NDOR1: variants seen among roughly 807,000 people sequenced by gnomAD.
NDOR1 encodes the protein NADPH-dependent diflavin oxidoreductase 1.
Under a neutral mutation model 67.2 loss-of-function variants are expected in NDOR1, and 61 were observed. That is an observed-to-expected ratio of 0.91 (90% CI 0.74 to 1.12). NDOR1 has a LOEUF of 1.12. Among genes scored for constraint, NDOR1 ranks in the 50% most tolerant of loss-of-function variants. The pLI, the probability that NDOR1 is intolerant of heterozygous loss-of-function variation, is 0.00. For missense variants in NDOR1, 878 were observed against 802.8 expected (o/e 1.09, Z -1.13); for synonymous variants, 378 against 343.7 (o/e 1.10, Z -1.10).
At position 137,214,115 on chromosome 9, in the gene NDOR1, G is replaced by C. The variant is rs780259507; in HGVS notation, c.512+47G>C. 3.3e-6 allele frequency: 5 copies of C among 1,529,428 alleles called. No homozygotes were observed. The South Asian group carries it at 6.0e-5, about 18-fold the overall frequency. The allele number at this position is 1,529,428 out of a possible 1,614,324, so 94.7% of individuals were successfully genotyped here. The stretch of plus-strand genomic sequence containing the variant: ...CCCACAGGCGCAGCAGACCCAACCT[G>C]GCCTGGGGACCTCGCCCTGGGTCCC... On this transcript the variant is annotated intron_variant, in intron 5 of 13. Coordinates refer to ENST00000684003, the MANE Select transcript of NDOR1 (RefSeq NM_014434.4).
chr9:137,215,475 C>A lies in NDOR1; in HGVS notation c.1242C>A (p.Arg414=), dbSNP rs750312382. ...VQFQTRLKEP[R]RGLCSSWLAS... The stretch of plus-strand genomic sequence containing the variant: ...TCCAGACTCGCCTCAAGGAGCCCCG[C>A]CGGGGCCTCTGCTCCTCCTGGCTGG... The change falls in exon 10 of 14, where the codon CGC becomes CGA. Residue 414 remains arginine (R), a synonymous_variant. Coordinates refer to ENST00000684003, the MANE Select transcript of NDOR1 (RefSeq NM_014434.4). 5 of 1,613,494 alleles carry A rather than the reference C, an allele frequency of 3.1e-6. No homozygotes were observed. Among genetic ancestry groups the A allele is most frequent in the Non-Finnish European group, 4.2e-6 (5 of 1,180,010 alleles).
In NDOR1 at chr9:137,216,930, G is replaced by C. The variant is rs549548792; in HGVS notation, c.*514G>C. ...ATGCCAGCTCCTTGAGAGCAGTGGG[G>C]GTGTCCCAGGCCAGAGCAGCCTCTT... On this transcript the variant is annotated 3_prime_UTR_variant, in exon 14 of 14. Coordinates refer to ENST00000684003, the MANE Select transcript of NDOR1 (RefSeq NM_014434.4). 3.7e-5 allele frequency: 7 copies of C among 188,410 alleles called. No homozygotes were observed. Among genetic ancestry groups the C allele is most frequent in the South Asian group, 3.5e-4 (4 of 11,468 alleles). The allele number at this position is 188,410 out of a possible 1,614,324, so 11.7% of individuals were successfully genotyped here. A position where few individuals can be genotyped will look rare whatever the true frequency, so the allele number is the denominator to read the frequency against.
Position 137,217,941 on chromosome 9 carries a change from GGCACCCCCAAGGTGCTGAGACTACA to G in NDOR1, c.*1528_*1552del. 2.5e-6 allele frequency: 1 copy of G among 398,640 alleles called. No individual in the cohort carries two copies. The highest frequency in any genetic ancestry group is 3.6e-5 in the East Asian group (1 of 28,074). 24.7% of individuals were successfully genotyped at this position (398,640 alleles called of 1,614,324 possible). A position where few individuals can be genotyped will look rare whatever the true frequency, so the allele number is the denominator to read the frequency against. On this transcript the variant is annotated 3_prime_UTR_variant, in exon 14 of 14. Coordinates refer to ENST00000684003, the MANE Select transcript of NDOR1 (RefSeq NM_014434.4). The stretch of plus-strand genomic sequence containing the variant: ...CCAGCAAGCAAAGGGGATGACCTTG[GGCACCCCCAAGGTGCTGAGACTACA>G]GCCAGTGAGCCCCTGCTGGGGGCCA...
At position 137,214,576 on chromosome 9, in the gene NDOR1, T is replaced by C. The variant is rs373933917; in HGVS notation, c.729T>C (p.Ala243=). Residue 243 remains alanine, a synonymous_variant, in exon 7 of 14, where the codon GCT becomes GCC. Transcript: ENST00000684003. ...GGTGGCTTCTTCCACACAGCTTTGC[T>C]GCTGGTGATGTGGTGCTGATTCAGC... is the stretch of plus-strand genomic sequence containing the variant. ...FDILGSGISF[A]AGDVVLIQPS... is the part of the protein sequence containing the mutation. 2.9e-5 allele frequency: 47 copies of C among 1,611,614 alleles called. No homozygotes were observed. In the African/African-American group the frequency reaches 5.9e-4, roughly 20 times the overall value.
chr9:137,206,312 A>G lies in NDOR1; in HGVS notation c.213+3A>G, dbSNP rs1834963074. 1 of 1,613,908 alleles carries G rather than the reference A, an allele frequency of 6.2e-7. No individual in the cohort carries two copies. Among genetic ancestry groups the G allele is most frequent in the East Asian group, 2.2e-5 (1 of 44,882 alleles). ...GAGACCCCCCTGACAACATGAAGGT[A>G]AGGCTGGCCTGATGTGGCTCCTCAG... On this transcript the variant is annotated splice_donor_region_variant and intron_variant, in intron 2 of 13. Coordinates refer to ENST00000684003, the MANE Select transcript of NDOR1 (RefSeq NM_014434.4).
At chr9:137,215,629 C>A (rs756630678) in intron 10 of NDOR1, 30 bp from the exon 11 acceptor site, 1 of 1,582,042 alleles carries the variant, frequency 6.3e-7, no homozygotes, top group East Asian at 2.2e-5. Context: ...GGTCTTTGAT[C>A]CTCTTCATGC....
chr9:137,211,816 G>T (rs540570615), intron 2 of NDOR1, among the ~76,000 whole-genome samples: 2 of 151,826 alleles, frequency 1.3e-5, no homozygotes, highest in African/African-American at 2.4e-5. Flanking sequence ...GTGGGTGGGC[G>T]GCGAAGACCA....
intron 2 of NDOR1, among the ~76,000 whole-genome samples, chr9:137,207,674 C>T (rs1835037846): frequency 6.6e-6 from 1 of 152,070 alleles, no homozygotes; most frequent in Non-Finnish European, 1.5e-5. Context: ...AGGGCTCTGG[C>T]ATGTAAAGCT....
intron 1 of NDOR1, 126 bp from the exon 2 acceptor site, chr9:137,206,106 G>C (rs1834949774): frequency 1.5e-5 from 22 of 1,448,568 alleles, no homozygotes; most frequent in South Asian, 1.1e-4. Flanking sequence ...AAGAGAAGAC[G>C]GTCTGGCTGC....
At chr9:137,215,608 G>A in intron 10 of NDOR1, 51 bp from the exon 11 acceptor site, 1 of 1,601,044 alleles carries the variant, frequency 6.2e-7, no homozygotes, top group Non-Finnish European at 8.5e-7. Flanking sequence ...GGCCCCAGCA[G>A]ACTCAGCACA....
At chr9:137,206,140 C>A in intron 1 of NDOR1, 92 bp from the exon 2 acceptor site, 1 of 1,527,200 alleles carries the variant, frequency 6.5e-7, no homozygotes, top group Non-Finnish European at 9.1e-7. Context: ...TCTGCCCTGT[C>A]AGCCTGAGTA....
chr9:137,217,134 G>A lies in NDOR1; in HGVS notation c.*718G>A, dbSNP rs895291504. On this transcript the variant is annotated 3_prime_UTR_variant, in exon 14 of 14. Coordinates refer to ENST00000684003, the MANE Select transcript of NDOR1 (RefSeq NM_014434.4). The stretch of plus-strand genomic sequence containing the variant: ...GGTGCTGGGTGCTGGATGGGTGGGC[G>A]TCCTCTAGCTCCTCCCGGTGCCCTG... 5.3e-5 allele frequency: 10 copies of A among 187,498 alleles called. No homozygotes were observed. The highest frequency in any genetic ancestry group is 2.4e-5 in the African/African-American group (1 of 41,096). 11.6% of individuals were successfully genotyped at this position (187,498 alleles called of 1,614,324 possible).
chr9:137,212,127 G>T lies in NDOR1; in HGVS notation c.214-375G>T, dbSNP rs555788768. Among the ~76,000 whole-genome samples, 1 of 152,288 alleles carries T rather than the reference G, an allele frequency of 6.6e-6. No homozygotes were observed. Among genetic ancestry groups the T allele is most frequent in the East Asian group, 1.9e-4 (1 of 5,168 alleles). On this transcript the variant is annotated intron_variant, in intron 2 of 13. Transcript: ENST00000684003. This position sits in a 1 kb window ranked among gnomAD's most constrained non-coding sequence, Gnocchi z 4.3. ...CTCTGGCTGGGAAATGACAGGTGGA[G>T]GTGAGGGACCCCTGGGGCGGTGGAC...
chr9:137,215,501 C>T lies in NDOR1; in HGVS notation c.1268C>T (p.Ala423Val). 6.2e-7 allele frequency: 1 copy of T among 1,613,350 alleles called. No individual in the cohort carries two copies. Among genetic ancestry groups the T allele is most frequent in the South Asian group, 1.1e-5 (1 of 91,088 alleles). The stretch of plus-strand genomic sequence containing the variant: ...CGGGGCCTCTGCTCCTCCTGGCTGG[C>T]ATCCCTGGACCCTGGGCAAGGTGAC... The part of the protein sequence containing the change: ...PRRGLCSSWL[A>V]SLDPGQGPVR... Residue 423 changes from alanine (A) to valine (V), a missense_variant, in exon 10 of 14, where the codon GCA becomes GTA. By Grantham distance (64) the Ala-to-Val change is moderately conservative. Transcript: ENST00000684003.
intron 9 of NDOR1, 43 bp downstream of exon 9, chr9:137,215,245 A>C (rs1250652000): frequency 6.3e-7 from 1 of 1,587,302 alleles, no homozygotes; most frequent in East Asian, 2.3e-5. Context: ...GCCCTGGGAA[A>C]GCTGGGACCG....
chr9:137,207,466 G>A lies in NDOR1; in HGVS notation c.213+1157G>A, dbSNP rs530688608. Among the ~76,000 whole-genome samples the A allele has an allele frequency of 9.2e-5, 14 of 152,102 alleles. No individual in the cohort carries two copies. In the East Asian group the frequency reaches 2.7e-3, roughly 29 times the overall value. On this transcript the variant is annotated intron_variant, in intron 2 of 13. Coordinates refer to ENST00000684003, the MANE Select transcript of NDOR1 (RefSeq NM_014434.4). Reference sequence around the variant, plus strand: ...AGTGGAGAAGTGCAGTAGGACTAGCGCTCCAAGGAAGATCCTGGGGCGGAG... The same window carrying A: ...AGTGGAGAAGTGCAGTAGGACTAGCACTCCAAGGAAGATCCTGGGGCGGAG...
intron 2 of NDOR1, among the ~76,000 whole-genome samples, chr9:137,209,024 GCGC>G (rs1006437624): frequency 6.6e-6 from 1 of 152,108 alleles, no homozygotes; most frequent in African/African-American, 2.4e-5. Context: ...GGGACTACAG[GCGC>G]CGCCACCACG....
chr9:137,215,870 G>A, intron 11 of NDOR1, 29 bp from the exon 12 acceptor site: 1 of 1,612,528 alleles, frequency 6.2e-7, no homozygotes, highest in East Asian at 2.2e-5. Flanking sequence ...TCAAGGACCT[G>A]TGGCCAAGAG....
chr9:137,215,200 C>T lies in NDOR1; in HGVS notation c.1171C>T (p.Leu391=), dbSNP rs1486405941. Reference sequence around the variant, plus strand: ...GGCCTTCTCCATCGCCTCCTCGCTGCTGGTGAGGGGCCTGGTGGTTGGAGC... The same window carrying T: ...GGCCTTCTCCATCGCCTCCTCGCTGTTGGTGAGGGGCCTGGTGGTTGGAGC... ...PRAFSIASSL[L]THPSRLQILV... is the part of the protein sequence containing the mutation. Residue 391 remains leucine, a splice_region_variant and synonymous_variant, in exon 9 of 14, where the codon CTG becomes TTG. Coordinates refer to ENST00000684003, the MANE Select transcript of NDOR1 (RefSeq NM_014434.4). 1.2e-6 allele frequency: 2 copies of T among 1,610,138 alleles called. No homozygotes were observed. Among genetic ancestry groups the T allele is most frequent in the African/African-American group, 2.7e-5 (2 of 74,874 alleles).
Sources: allele counts gnomAD v4.1 joint callset (sites outside exome capture counted in the v4.1 genomes callset), GRCh38; gene constraint gnomAD v4.1.1; non-coding constraint Gnocchi (gnomAD v3.1); transcripts MANE v1.5; gene names NCBI Gene and HGNC (gene_info 2026-07-23, HGNC 2026-07-21).